ARAP2: variants seen among roughly 807,000 people sequenced by gnomAD.
ARAP2 encodes the protein arf-GAP with Rho-GAP domain, ANK repeat and PH domain-containing protein 2.
ARAP2 carries 148 observed loss-of-function variants against 194.5 expected under a neutral mutation model. That is an observed-to-expected ratio of 0.76 (90% CI 0.67 to 0.87). The LOEUF is 0.87. Among genes scored for constraint, ARAP2 ranks in the 40% least tolerant of loss-of-function variants. The pLI is 0.00. For synonymous variants in ARAP2, 695 were observed against 683.5 expected (o/e 1.02, Z -0.26); for missense variants, 2,128 against 1,989.7 (o/e 1.07, Z -1.32).
chr4:36,088,734 G>A (rs928505035), intron 28 of ARAP2, among the ~76,000 whole-genome samples: 2 of 152,112 alleles, frequency 1.3e-5, no homozygotes, highest in Non-Finnish European at 2.9e-5. Context: ...AATACACAGA[G>A]AAAGTAATTA....
At chr4:36,211,980 G>T (rs1380662397) in intron 5 of ARAP2, among the ~76,000 whole-genome samples, 2 of 152,044 alleles carry the variant, frequency 1.3e-5, no homozygotes, top group African/African-American at 4.8e-5. Flanking sequence ...CTGGATAATT[G>T]TCATGCTTCT....
intron 8 of ARAP2, among the ~76,000 whole-genome samples, chr4:36,183,640 G>A (rs767724650): frequency 9.2e-5 from 14 of 152,214 alleles, no homozygotes; most frequent in Non-Finnish European, 2.1e-4. Context: ...ATCCACAGAC[G>A]AATTCCAGTG....
chr4:36,243,925 T>TA (rs1754091626), intron 1 of ARAP2: 1 of 152,258 alleles, frequency 6.6e-6, no homozygotes, highest in African/African-American at 2.4e-5. Context: ...AGTGTCCAGC[T>TA]GTCTATCCGG....
At chr4:36,181,976 C>A (rs562203648) in intron 8 of ARAP2, among the ~76,000 whole-genome samples, 1 of 152,240 alleles carries the variant, frequency 6.6e-6, no homozygotes, top group South Asian at 2.1e-4. Context: ...AGAAGCAGGT[C>A]CAGCTGAGGA....
chr4:36,217,934 T>G (rs556299845), intron 2 of ARAP2, among the ~76,000 whole-genome samples: 2 of 151,518 alleles, frequency 1.3e-5, no homozygotes, highest in Admixed American at 1.3e-4. Flanking sequence ...AATGCAACCC[T>G]AATCAAAACA....
At position 36,228,810 on chromosome 4, in the gene ARAP2, C is replaced by A; in HGVS notation, c.677G>T (p.Gly226Val). The change falls in exon 2 of 33, where the codon GGA (glycine) becomes GTA (valine). Residue 226 changes from glycine (G) to valine (V), a missense_variant. By Grantham distance (109) the Gly-to-Val change is moderately radical. Coordinates refer to ENST00000303965, the MANE Select transcript of ARAP2 (RefSeq NM_015230.4). ...CLSFVGCSTSGTNSGNGTNGL... is the reference protein window; with the variant it reads ...CLSFVGCSTSVTNSGNGTNGL... ...ATTTGTTCCATTTCCAGAATTTGTT[C>A]CTGATGTTGAACAGCCAACAAAAGA... 2 of 1,614,082 alleles carry A rather than the reference C, an allele frequency of 1.2e-6. No homozygotes were observed. Among genetic ancestry groups the A allele is most frequent in the Non-Finnish European group, 1.7e-6 (2 of 1,180,004 alleles).
chr4:36,009,886 G>T (rs986370264), intron 9 of ARAP2, among the ~76,000 whole-genome samples: 1 of 142,224 alleles, frequency 7.0e-6, no homozygotes, highest in Non-Finnish European at 1.5e-5. Flanking sequence ...TTTTTGGCGG[G>T]GGGTAGGGGG....
chr4:36,162,590 TAAG>T (rs1408219089), intron 11 of ARAP2, among the ~76,000 whole-genome samples: 3 of 134,602 alleles, frequency 2.2e-5, no homozygotes, highest in African/African-American at 5.7e-5. Flanking sequence ...CTACAATAGG[TAAG>T]AAGTTCTTGT....
intron 28 of ARAP2, among the ~76,000 whole-genome samples, chr4:36,087,050 C>A (rs1712062027): frequency 6.6e-6 from 1 of 151,986 alleles, no homozygotes; most frequent in African/African-American, 2.4e-5. Context: ...TTAACTAAAT[C>A]ATTTAAAAAA....
intron 26 of ARAP2, among the ~76,000 whole-genome samples, chr4:36,113,667 C>A (rs1178642684): frequency 4.0e-5 from 6 of 151,822 alleles, no homozygotes; most frequent in Non-Finnish European, 7.4e-5. Context: ...CAGCACTTGA[C>A]TGTTGGGGTA....
intron 5 of ARAP2, among the ~76,000 whole-genome samples, chr4:36,031,027 G>A (rs889919740): frequency 6.6e-6 from 1 of 152,152 alleles, no homozygotes; most frequent in Non-Finnish European, 1.5e-5. Flanking sequence ...CTACTCGGGA[G>A]GCTGAGGCAG....
chr4:36,050,108 C>G (rs1341413603), intron 3 of ARAP2, among the ~76,000 whole-genome samples: 1 of 152,104 alleles, frequency 6.6e-6, no homozygotes, highest in Non-Finnish European at 1.5e-5. Context: ...AGGAAGGAGT[C>G]TCTTAAACTT....
chr4:36,194,125 G>T (rs1180581668), intron 6 of ARAP2, among the ~76,000 whole-genome samples: 1 of 152,036 alleles, frequency 6.6e-6, no homozygotes, highest in African/African-American at 2.4e-5. Flanking sequence ...TGATTAAGCT[G>T]AAAAAGACCT....
At chr4:36,110,961 C>CTT (rs1192651121) in intron 26 of ARAP2, among the ~76,000 whole-genome samples, 1 of 151,788 alleles carries the variant, frequency 6.6e-6, no homozygotes, top group African/African-American at 2.4e-5. Context: ...CATATGTTCC[C>CTT]TTTATTTTTA....
chr4:36,022,825 C>A (rs867969297), intron 5 of ARAP2, among the ~76,000 whole-genome samples: 1 of 152,072 alleles, frequency 6.6e-6, no homozygotes, highest in African/African-American at 2.4e-5. Flanking sequence ...AGAGATTTGG[C>A]ATATTGTATT....
At chr4:36,228,512 T>C (rs1750810231) in intron 2 of ARAP2, 70 bp downstream of exon 2, 7 of 1,447,478 alleles carry the variant, frequency 4.8e-6, no homozygotes, top group African/African-American at 2.9e-5. Flanking sequence ...ACACTGAAAA[T>C]ATAACTGTTA....
rs763782997 is a variant in ARAP2, at chr4:36,193,575, T to C, written c.1557+3A>G. ...ATTTTTGAAAACTGTAAAATGTATT[T>C]ACCTTCTCATTATTGTAGTAAGAAA... On this transcript the variant is annotated splice_donor_region_variant and intron_variant, in intron 7 of 32. Transcript: ENST00000303965. The C allele has an allele frequency of 1.3e-5, 20 of 1,580,002 alleles. No homozygotes were observed. In the South Asian group the frequency reaches 1.7e-4, roughly 13 times the overall value.
chr4:36,172,142 T>C (rs1278409101), intron 9 of ARAP2, among the ~76,000 whole-genome samples: 1 of 152,184 alleles, frequency 6.6e-6, no homozygotes, highest in Non-Finnish European at 1.5e-5. Flanking sequence ...GAACGTAGGT[T>C]GTCAAGAATC....
At chr4:36,091,798 C>T in intron 28 of ARAP2, 83 bp downstream of exon 28, 1 of 1,425,524 alleles carries the variant, frequency 7.0e-7, no homozygotes, top group South Asian at 1.5e-5. Flanking sequence ...CAGTGACTTC[C>T]AAGAGAGATG....
Sources: gnomAD v4.1 joint callset for allele counts (sites outside exome capture counted in the v4.1 genomes callset) on GRCh38, gnomAD v4.1.1 for gene constraint, MANE v1.5 for transcripts, NCBI Gene and HGNC (gene_info 2026-07-23, HGNC 2026-07-21) for gene names.